The following MKX variants were observed in gnomAD, a reference collection of about 807,000 sequenced individuals.
The protein encoded by MKX is homeobox protein Mohawk.
MKX carries 13 observed loss-of-function variants against 36.0 expected under a neutral mutation model. The observed-to-expected ratio is 0.36, with a 90% CI of 0.24 to 0.57. The LOEUF is 0.57. Among genes scored for constraint, MKX ranks in the 20% least tolerant of loss-of-function variants. The pLI, the probability that MKX is intolerant of heterozygous loss-of-function variation, is 0.79. For synonymous variants in MKX, 176 were observed against 178.3 expected (o/e 0.99, Z 0.10); for missense variants, 458 against 456.4 (o/e 1.00, Z -0.03).
At chr10:27,696,936 AT>A (rs1836565205) in intron 5 of MKX, among the ~76,000 whole-genome samples, 1 of 152,140 alleles carries the variant, frequency 6.6e-6, no homozygotes, top group Non-Finnish European at 1.5e-5. Context: ...GTTGGTAAGA[AT>A]TTTCTGTGAG....
chr10:27,720,447 C>G (rs1037576828), intron 5 of MKX, among the ~76,000 whole-genome samples: 18 of 151,816 alleles, frequency 1.2e-4, no homozygotes, highest in Admixed American at 4.6e-4. Flanking sequence ...GGAATAAAAA[C>G]TTTCCCAAGA....
intron 5 of MKX, among the ~76,000 whole-genome samples, chr10:27,676,887 C>G (rs1006412934): frequency 3.9e-5 from 6 of 152,178 alleles, no homozygotes; most frequent in African/African-American, 1.4e-4. Context: ...CTTCTGCACT[C>G]ACATCTTTGG....
chr10:27,705,691 T>A (rs982271058), intron 5 of MKX, among the ~76,000 whole-genome samples: 10 of 152,308 alleles, frequency 6.6e-5, no homozygotes, highest in Admixed American at 3.9e-4. Context: ...AACAAAGTAA[T>A]TTTTTATTGT....
At chr10:27,685,524 C>G (rs949563656) in intron 5 of MKX, among the ~76,000 whole-genome samples, 3 of 149,742 alleles carry the variant, frequency 2.0e-5, no homozygotes, top group African/African-American at 7.4e-5. Flanking sequence ...TCTCGGCTCA[C>G]TGCAAGCTCC....
At chr10:27,713,615 A>C (rs759528586) in intron 5 of MKX, among the ~76,000 whole-genome samples, 11 of 152,194 alleles carry the variant, frequency 7.2e-5, no homozygotes, top group Non-Finnish European at 1.3e-4. Context: ...GAAAGCAGGA[A>C]TAATTATCCT....
intron 5 of MKX, among the ~76,000 whole-genome samples, chr10:27,703,116 C>T (rs547648975): frequency 5.9e-5 from 9 of 152,200 alleles, no homozygotes; most frequent in Admixed American, 2.0e-4. Flanking sequence ...TACAAAAAGG[C>T]GCAGGACCAC....
At chr10:27,678,638 TATCAATGCC>T (rs1836197769) in intron 5 of MKX, among the ~76,000 whole-genome samples, 1 of 152,154 alleles carries the variant, frequency 6.6e-6, no homozygotes. Context: ...CCCGTCAATG[TATCAATGCC>T]ATCAATGCAT....
At chr10:27,707,068 T>G (rs1195928033) in intron 5 of MKX, among the ~76,000 whole-genome samples, 1 of 147,606 alleles carries the variant, frequency 6.8e-6, no homozygotes, top group African/African-American at 2.4e-5. Context: ...ATTGATGAAC[T>G]GATGGGGAGA....
In MKX at chr10:27,744,022, G is replaced by A. The variant is rs1834987360; in HGVS notation, c.-82-525C>T. Among the ~76,000 whole-genome samples the A allele has an allele frequency of 6.6e-6, 1 of 152,108 alleles. No homozygotes were observed. The highest frequency in any genetic ancestry group is 2.4e-5 in the African/African-American group (1 of 41,426). ...CAGCTCATGAGTCCCAGGCCATACCGGGATTTGGGGGATTTTCGTGTTTTC... is the reference window on the plus strand; with the variant it reads ...CAGCTCATGAGTCCCAGGCCATACCAGGATTTGGGGGATTTTCGTGTTTTC... On this transcript the variant is annotated intron_variant, in intron 1 of 6. Transcript: ENST00000419761. This position sits in a 1 kb window ranked among gnomAD's most constrained non-coding sequence, Gnocchi z 5.6.
chr10:27,721,732 T>C (rs1205137668), intron 5 of MKX, among the ~76,000 whole-genome samples: 1 of 152,172 alleles, frequency 6.6e-6, no homozygotes, highest in Non-Finnish European at 1.5e-5. Context: ...CGGCACACGT[T>C]AACCTATGTA....
rs1437337614 is a variant in MKX, at chr10:27,742,176, C to G, written c.189-672G>C. Among the ~76,000 whole-genome samples the G allele has an allele frequency of 6.6e-6, 1 of 152,176 alleles. No homozygotes were observed. The highest frequency in any genetic ancestry group is 1.5e-5 in the Non-Finnish European group (1 of 68,034). On this transcript the variant is annotated intron_variant, in intron 2 of 6. Coordinates refer to ENST00000419761, the MANE Select transcript of MKX (RefSeq NM_173576.3). The surrounding 1 kb of genome is among the most constrained non-coding windows in gnomAD (Gnocchi z 4.2). The stretch of plus-strand genomic sequence containing the variant: ...GGTTAAAAGTACGGCAAGCTCTGTC[C>G]CATCATGTAAGGTAAAAAGACCTCA...
intron 3 of MKX, 34 bp from the exon 4 acceptor site, chr10:27,735,408 T>C (rs1265437590): frequency 1.3e-6 from 2 of 1,573,054 alleles, no homozygotes; most frequent in Non-Finnish European, 1.7e-6. Context: ...TAACAAAACT[T>C]AAAAACATTA....
chr10:27,717,922 T>C (rs1334589994), intron 5 of MKX, among the ~76,000 whole-genome samples: 2 of 152,212 alleles, frequency 1.3e-5, no homozygotes, highest in African/African-American at 4.8e-5. Context: ...GAAATATTAG[T>C]TACTCCACTG....
intron 5 of MKX, among the ~76,000 whole-genome samples, chr10:27,679,453 A>T (rs1405918105): frequency 6.6e-6 from 1 of 152,160 alleles, no homozygotes; most frequent in Non-Finnish European, 1.5e-5. Context: ...AAATGAATTG[A>T]TGTTAGAAGG....
chr10:27,718,944 C>A (rs1834311724), intron 5 of MKX, among the ~76,000 whole-genome samples: 1 of 152,100 alleles, frequency 6.6e-6, no homozygotes, highest in African/African-American at 2.4e-5. Context: ...CTATGCTTAA[C>A]TTTGAATGTG....
chr10:27,728,336 T>C (rs145156476), intron 5 of MKX, among the ~76,000 whole-genome samples: 133 of 152,348 alleles, frequency 8.7e-4, no homozygotes, highest in African/African-American at 2.9e-3. Flanking sequence ...CCGTAAGACT[T>C]TTTTAAGCTA....
rs11015980 is a variant in MKX, at chr10:27,733,045, C to A, written c.838+1411G>T. Among the ~76,000 whole-genome samples the A allele has an allele frequency of 0.015, 2,356 of 152,018 alleles. 153 individuals carry two copies. In the East Asian group the frequency reaches 0.2, roughly 13 times the overall value. On this transcript the variant is annotated intron_variant, in intron 5 of 6. Coordinates refer to ENST00000419761, the MANE Select transcript of MKX (RefSeq NM_173576.3). ...GATTACAGTTGTGAGCCACCTTGCC[C>A]AGCTTCATTTTCATTATTGGCCAAA...
chr10:27,703,640 T>C (rs967208693), intron 5 of MKX, among the ~76,000 whole-genome samples: 12 of 152,158 alleles, frequency 7.9e-5, no homozygotes, highest in African/African-American at 2.9e-4. Context: ...GGCTCATACC[T>C]GTAATCCCAA....
Position 27,680,383 on chromosome 10 carries a change from A to AAAAAAAG in MKX, c.839-4830_839-4829insCTTTTTT, listed in dbSNP as rs1554768913. ...GAAAAGAAAAGAAAAAAAAAAAAAA[A>AAAAAAAG]AGGTGTGTAGTTAGGAAAATCTTGG... On this transcript the variant is annotated intron_variant, in intron 5 of 6. Coordinates refer to ENST00000419761, the MANE Select transcript of MKX (RefSeq NM_173576.3). Among the ~76,000 whole-genome samples, 153 of 142,876 alleles carry AAAAAAAG rather than the reference A, an allele frequency of 1.1e-3. 2 individuals carry two copies. Among genetic ancestry groups the AAAAAAAG allele is most frequent in the Non-Finnish European group, 1.3e-3 (87 of 65,878 alleles). The allele number at this position is 142,876 out of a possible 152,430, so 93.7% of individuals were successfully genotyped here. A position where few individuals can be genotyped will look rare whatever the true frequency, so the allele number is the denominator to read the frequency against.
Sources: gnomAD v4.1 joint callset for allele counts (sites outside exome capture counted in the v4.1 genomes callset) on GRCh38, gnomAD v4.1.1 for gene constraint, Gnocchi (gnomAD v3.1) non-coding constraint, MANE v1.5 for transcripts, NCBI Gene and HGNC (gene_info 2026-07-23, HGNC 2026-07-21) for gene names.